Variants in ZFPM2 observed in about 807,000 individuals in gnomAD.
The protein encoded by ZFPM2 is zinc finger protein, FOG family member 2.
In ZFPM2, 20 loss-of-function variants were observed where a neutral mutation model predicts 98.6. That is an observed-to-expected ratio of 0.20 (90% confidence interval 0.14 to 0.29). The LOEUF (loss-of-function observed/expected upper bound fraction) is 0.29, where lower values mean the gene tolerates loss of function less well. ZFPM2 is among the 10% of genes least tolerant of loss of function. The pLI is 1.00. For synonymous variants in ZFPM2, 518 were observed against 502.7 expected, an observed-to-expected ratio of 1.03 and a Z score of -0.41; for missense variants, 1,310 against 1,388.6, an observed-to-expected ratio of 0.94 and a Z score of 0.90.
chr8:105,508,818 G>T (rs1311007576), intron 3 of ZFPM2, among the ~76,000 whole-genome samples: 2 of 146,164 alleles, frequency 1.4e-5, no homozygotes. Flanking sequence ...TTTCCCCCTC[G>T]CATTGTTGTG....
rs551205234 is a variant in ZFPM2 at position 105,768,176 on chromosome 8, G to C, written c.533-20542G>C. On this transcript the variant is annotated intron_variant, in intron 5 of 7. Transcript: ENST00000407775. ...TAATTTGTACTGTATTTATTGATTT[G>C]TGCATTTGTCCTTCATTACCATTTG... Among the ~76,000 whole-genome samples the C allele has an allele frequency of 1.2e-4, 18 of 150,562 alleles. No homozygotes were observed. In the South Asian group the frequency reaches 2.3e-3, roughly 19 times the overall value.
intron 4 of ZFPM2, among the ~76,000 whole-genome samples, chr8:105,616,932 C>T (rs1816427828): frequency 1.4e-5 from 2 of 141,800 alleles, no homozygotes; most frequent in Non-Finnish European, 3.0e-5. Context: ...ACATGAGAAT[C>T]ACTTGAACCT....
At chr8:105,558,549 G>C (rs1815052427) in intron 3 of ZFPM2, among the ~76,000 whole-genome samples, 1 of 152,124 alleles carries the variant, frequency 6.6e-6, no homozygotes, top group Non-Finnish European at 1.5e-5. Flanking sequence ...GAGACATTTG[G>C]ATATCACTTT....
At chr8:105,383,433 CAAAT>C (rs1810925811) in intron 1 of ZFPM2, among the ~76,000 whole-genome samples, 1 of 152,076 alleles carries the variant, frequency 6.6e-6, no homozygotes, top group Non-Finnish European at 1.5e-5. Context: ...GGTCCAATGA[CAAAT>C]AAATCTTATG....
At chr8:105,580,882 CTAAT>C (rs1483241223) in intron 4 of ZFPM2, among the ~76,000 whole-genome samples, 3 of 149,348 alleles carry the variant, frequency 2.0e-5, no homozygotes, top group Non-Finnish European at 4.4e-5. Context: ...ATCACATTTA[CTAAT>C]TAATTCCCTT....
At chr8:105,451,473 G>A (rs1386736767) in intron 3 of ZFPM2, 1 of 152,136 alleles carries the variant, frequency 6.6e-6, no homozygotes, top group Non-Finnish European at 1.5e-5. Context: ...TGGAAATAGG[G>A]TTGTTGGAGA....
intron 5 of ZFPM2, among the ~76,000 whole-genome samples, chr8:105,664,355 G>C (rs1189245641): frequency 2.0e-5 from 3 of 150,506 alleles, no homozygotes; most frequent in Non-Finnish European, 2.9e-5. Flanking sequence ...GTGTGTGTGT[G>C]TGTGTGACAG....
chr8:105,337,320 G>A (rs914171857), intron 1 of ZFPM2, among the ~76,000 whole-genome samples: 1 of 151,714 alleles, frequency 6.6e-6, no homozygotes, highest in African/African-American at 2.4e-5. Flanking sequence ...TTTTGCTACT[G>A]GGTTAAAATT....
chr8:105,362,146 AAT>A (rs1285184704), intron 1 of ZFPM2, among the ~76,000 whole-genome samples: 7 of 152,122 alleles, frequency 4.6e-5, no homozygotes, highest in Non-Finnish European at 1.0e-4. Flanking sequence ...TGTCTCTATC[AAT>A]TTAGTCTAGC....
chr8:105,629,998 G>A (rs368180603), intron 4 of ZFPM2, among the ~76,000 whole-genome samples: 1 of 152,170 alleles, frequency 6.6e-6, no homozygotes, highest in African/African-American at 2.4e-5. Flanking sequence ...AAGTAAGGTA[G>A]CATATGCACA....
intron 3 of ZFPM2, among the ~76,000 whole-genome samples, chr8:105,535,755 T>G (rs1375961): frequency 0.14 from 20,828 of 152,142 alleles, 1,476 homozygotes; most frequent in Admixed American, 0.18. Flanking sequence ...AACTCTGTCT[T>G]CTTTCTGATT....
chr8:105,565,906 T>G (rs1254950606), intron 4 of ZFPM2, among the ~76,000 whole-genome samples: 1 of 152,130 alleles, frequency 6.6e-6, no homozygotes, highest in African/African-American at 2.4e-5. Flanking sequence ...TAGCCAGAGA[T>G]TTGTTATAAG....
intron 4 of ZFPM2, among the ~76,000 whole-genome samples, chr8:105,606,336 G>T (rs1004191875): frequency 2.6e-5 from 4 of 151,566 alleles, no homozygotes; most frequent in African/African-American, 9.7e-5. Flanking sequence ...TTCTATATAC[G>T]TTCAGAAATA....
chr8:105,703,146 C>G (rs1478736375), intron 5 of ZFPM2, among the ~76,000 whole-genome samples: 1 of 152,032 alleles, frequency 6.6e-6, no homozygotes, highest in East Asian at 1.9e-4. Flanking sequence ...ATGAGAATGA[C>G]TCACATTAAG....
intron 5 of ZFPM2, among the ~76,000 whole-genome samples, chr8:105,750,417 AG>A (rs1343690528): frequency 2.0e-5 from 3 of 152,220 alleles, no homozygotes; most frequent in East Asian, 3.9e-4. Flanking sequence ...CTGCTACTAA[AG>A]GGTTTTTAAA....
At chr8:105,559,793 G>C (rs958202198) in intron 3 of ZFPM2, among the ~76,000 whole-genome samples, 1 of 151,268 alleles carries the variant, frequency 6.6e-6, no homozygotes, top group Non-Finnish European at 1.5e-5. Context: ...GTTTCTTTTT[G>C]AAAAAAAACT....
chr8:105,439,124 T>C (rs955066270), intron 2 of ZFPM2, among the ~76,000 whole-genome samples: 3 of 152,222 alleles, frequency 2.0e-5, no homozygotes, highest in African/African-American at 4.8e-5. Flanking sequence ...AACTGAAATG[T>C]AACAGTAAGA....
At chr8:105,724,289 A>G (rs187089118) in intron 5 of ZFPM2, among the ~76,000 whole-genome samples, 82 of 152,012 alleles carry the variant, frequency 5.4e-4, no homozygotes, top group African/African-American at 1.9e-3. Context: ...GCGCAGATTC[A>G]GTCATCCTGA....
chr8:105,716,841 A>G (rs1268919489), intron 5 of ZFPM2, among the ~76,000 whole-genome samples: 2 of 152,022 alleles, frequency 1.3e-5, no homozygotes, highest in African/African-American at 4.8e-5. Flanking sequence ...CACTTAAGGC[A>G]GAAAATTCAT....
Sources: allele counts gnomAD v4.1 joint callset (sites outside exome capture counted in the v4.1 genomes callset), GRCh38; gene constraint gnomAD v4.1.1; transcripts MANE v1.5; gene names NCBI Gene and HGNC (gene_info 2026-07-23, HGNC 2026-07-21).